STK32A: variants seen among roughly 807,000 people sequenced by gnomAD.
The protein encoded by STK32A is serine/threonine-protein kinase 32A.
Under a neutral mutation model 53.2 loss-of-function variants are expected in STK32A, and 41 were observed. The observed-to-expected ratio is 0.77, with a 90% CI of 0.60 to 1.00. The LOEUF (loss-of-function observed/expected upper bound fraction) is 1.00, where lower values mean the gene tolerates loss of function less well. Ranked by LOEUF, STK32A falls within the 50% of genes least tolerant of loss-of-function variation. The pLI is 0.00. For synonymous variants in STK32A, 166 were observed against 162.8 expected, an observed-to-expected ratio of 1.02 and a Z score of -0.15; for missense variants, 458 against 485.8, an observed-to-expected ratio of 0.94 and a Z score of 0.54.
At chr5:147,290,965 A>G (rs1436239561) in intron 4 of STK32A, among the ~76,000 whole-genome samples, 1 of 152,148 alleles carries the variant, frequency 6.6e-6, no homozygotes, top group East Asian at 1.9e-4. Flanking sequence ...AATGTAAGCT[A>G]TTGATGGACT....
chr5:147,400,010 T>C, the STK32A span, among the ~76,000 whole-genome samples: 1 of 152,224 alleles, frequency 6.6e-6, no homozygotes, highest in Non-Finnish European at 1.5e-5. Context: ...GAAATTACAC[T>C]GTGTAGATTA....
chr5:147,394,152 A>G, the STK32A span: 301 of 1,474,260 alleles, frequency 2.0e-4, no homozygotes, highest in African/African-American at 3.0e-3. Context: ...TCCCAGGGGG[A>G]AAAAAAAAAC....
intron 4 of STK32A, among the ~76,000 whole-genome samples, chr5:147,315,687 C>T (rs1326491904): frequency 1.3e-5 from 2 of 152,010 alleles, no homozygotes; most frequent in Non-Finnish European, 2.9e-5. Context: ...TACATAGTGC[C>T]ACTGAATTGT....
At chr5:147,274,173 C>T (rs1755156442) in intron 2 of STK32A, among the ~76,000 whole-genome samples, 1 of 152,192 alleles carries the variant, frequency 6.6e-6, no homozygotes, top group Admixed American at 6.5e-5. Context: ...TGTACAGATA[C>T]AATGGCTGTG....
intron 4 of STK32A, among the ~76,000 whole-genome samples, chr5:147,313,029 C>A (rs1753779174): frequency 6.9e-6 from 1 of 145,596 alleles, no homozygotes; most frequent in Non-Finnish European, 1.5e-5. Context: ...CTGCTTGAGG[C>A]CAGCCTGGGC....
At position 147,309,119 on chromosome 5, in the gene STK32A, C is replaced by T. The variant is rs192305815; in HGVS notation, c.261-14779C>T. ...AGCGGGGATGATTGCCAAGTCAGGT[C>T]CTGCAGGTGGTGAGATGAATGTGAC... On this transcript the variant is annotated intron_variant, in intron 4 of 12. Coordinates refer to ENST00000397936, the MANE Select transcript of STK32A (RefSeq NM_001112724.2). Among the ~76,000 whole-genome samples the T allele has an allele frequency of 1.4e-3, 220 of 151,994 alleles. 1 individual carries two copies. Among genetic ancestry groups the T allele is most frequent in the Non-Finnish European group, 2.1e-3 (140 of 68,002 alleles).
chr5:147,261,141 G>A (rs924758023), intron 2 of STK32A, among the ~76,000 whole-genome samples: 1 of 152,168 alleles, frequency 6.6e-6, no homozygotes, highest in South Asian at 2.1e-4. Flanking sequence ...CTCCTCAGGA[G>A]AGACAACCAG....
chr5:147,267,112 G>T (rs1448533799), intron 2 of STK32A, among the ~76,000 whole-genome samples: 1 of 151,712 alleles, frequency 6.6e-6, no homozygotes, highest in South Asian at 2.1e-4. Flanking sequence ...AACATAAATA[G>T]CAGTAATAAT....
At chr5:147,253,211 A>C (rs981488695) in intron 2 of STK32A, among the ~76,000 whole-genome samples, 1 of 152,160 alleles carries the variant, frequency 6.6e-6, no homozygotes, top group Non-Finnish European at 1.5e-5. Context: ...TCCTGAAAAA[A>C]ATTTTTTGGC....
intron 1 of STK32A, among the ~76,000 whole-genome samples, chr5:147,236,430 T>C (rs1753323841): frequency 6.6e-6 from 1 of 151,378 alleles, no homozygotes; most frequent in Non-Finnish European, 1.5e-5. Flanking sequence ...GGCTGGGGGG[T>C]TGGTAAAAGA....
chr5:147,286,991 TA>T lies in STK32A; in HGVS notation c.260+7597del, dbSNP rs557097200. Among the ~76,000 whole-genome samples, 788 of 152,274 alleles carry T rather than the reference TA, an allele frequency of 5.2e-3. 8 individuals carry two copies. Among genetic ancestry groups the T allele is most frequent in the African/African-American group, 0.018 (764 of 41,558 alleles). ...AATTTATACGAAGCACTTTCTCCCT[TA>T]AAATAACTGGCAATAAAACTGTTGC... On this transcript the variant is annotated intron_variant, in intron 4 of 12. Coordinates refer to ENST00000397936, the MANE Select transcript of STK32A (RefSeq NM_001112724.2).
chr5:147,361,682 T>A, intron 8 of STK32A, 68 bp downstream of exon 8: 1 of 880,748 alleles, frequency 1.1e-6, no homozygotes, highest in Non-Finnish European at 1.8e-6. Flanking sequence ...AAAGAATGTA[T>A]TGTTTGCTAA....
chr5:147,328,699 T>C (rs188814975), intron 5 of STK32A, among the ~76,000 whole-genome samples: 1 of 152,274 alleles, frequency 6.6e-6, no homozygotes, highest in East Asian at 1.9e-4. Context: ...ATTTAAAAAA[T>C]AAGGGAAACA....
downstream of STK32A, chr5:147,392,313 C>T (rs568629561): frequency 6.6e-6 from 1 of 152,340 alleles, no homozygotes; most frequent in Non-Finnish European, 1.5e-5. Context: ...CAGAAGGTAG[C>T]TTGCTAGGGG....
chr5:147,354,004 T>TAGAGAGAG (rs10668611), intron 7 of STK32A, among the ~76,000 whole-genome samples: 190 of 148,442 alleles, frequency 1.3e-3, no homozygotes, highest in African/African-American at 4.1e-3. Context: ...CCCATGTAAC[T>TAGAGAGAG]AGAGAGAGAG....
chr5:147,380,579 T>C (rs1757413601), intron 11 of STK32A, among the ~76,000 whole-genome samples: 1 of 152,254 alleles, frequency 6.6e-6, no homozygotes, highest in Non-Finnish European at 1.5e-5. Flanking sequence ...GATCTGGGTC[T>C]AATTCTGTCC....
chr5:147,361,849 A>G (rs1756520109), intron 8 of STK32A, among the ~76,000 whole-genome samples: 1 of 152,222 alleles, frequency 6.6e-6, no homozygotes, highest in South Asian at 2.1e-4. Context: ...AAGGAATAAT[A>G]TGGATATTAT....
intron 2 of STK32A, among the ~76,000 whole-genome samples, chr5:147,260,296 T>A (rs974682523): frequency 3.8e-4 from 10 of 25,986 alleles, no homozygotes; most frequent in African/African-American, 2.1e-3. Flanking sequence ...CTCTCGCCTG[T>A]CTCTCTCTCT....
At position 147,320,702 on chromosome 5, in the gene STK32A, A is replaced by C. The variant is rs921082753; in HGVS notation, c.261-3196A>C. On this transcript the variant is annotated intron_variant, in intron 4 of 12. Coordinates refer to ENST00000397936, the MANE Select transcript of STK32A (RefSeq NM_001112724.2). ...GGAAAAGGCTTCTGTGAGAAGTGACACTTGAGCTAAGACTAGAAAAGTGAA... is the reference window on the plus strand; with the variant it reads ...GGAAAAGGCTTCTGTGAGAAGTGACCCTTGAGCTAAGACTAGAAAAGTGAA... 2.0e-5 allele frequency among the ~76,000 whole-genome samples: 3 copies of C among 152,216 alleles called. No individual in the cohort carries two copies. In the East Asian group the frequency reaches 5.8e-4, roughly 29 times the overall value.
Sources: gnomAD v4.1 joint callset for allele counts (sites outside exome capture counted in the v4.1 genomes callset) on GRCh38, gnomAD v4.1.1 for gene constraint, MANE v1.5 for transcripts, NCBI Gene and HGNC (gene_info 2026-07-23, HGNC 2026-07-21) for gene names.